PRKACB: variants seen among roughly 807,000 people sequenced by gnomAD.
PRKACB encodes protein kinase cAMP-activated catalytic subunit beta.
Under a neutral mutation model 51.4 loss-of-function variants are expected in PRKACB, and 16 were observed. The ratio of observed to expected loss-of-function variants is 0.31; its 90% confidence interval spans 0.21 to 0.47. PRKACB has a LOEUF of 0.47. Ranked by LOEUF, PRKACB falls within the 20% of genes least tolerant of loss-of-function variation. The pLI, the probability that PRKACB is intolerant of heterozygous loss-of-function variation, is 1.00. For synonymous variants in PRKACB, 147 were observed against 154.4 expected, an observed-to-expected ratio of 0.95 and a Z score of 0.35; for missense variants, 309 against 464.5, an observed-to-expected ratio of 0.67 and a Z score of 3.08.
intron 7 of PRKACB, among the ~76,000 whole-genome samples, chr1:84,201,319 T>A (rs886978704): frequency 6.6e-6 from 1 of 152,114 alleles, no homozygotes; most frequent in Non-Finnish European, 1.5e-5. Flanking sequence ...TAATAGCCAT[T>A]TGGTATTTCT....
intron 1 of PRKACB, chr1:84,165,141 T>G: frequency 1.4e-6 from 1 of 736,718 alleles, no homozygotes. Context: ...GTGACGCTTT[T>G]GTACTTAGGC....
intron 1 of PRKACB, among the ~76,000 whole-genome samples, chr1:84,105,049 CG>C (rs1224387047): frequency 6.6e-6 from 1 of 152,070 alleles, no homozygotes; most frequent in Non-Finnish European, 1.5e-5. Context: ...CAAAAAAAAT[CG>C]TTTTCTTAAA....
intron 7 of PRKACB, among the ~76,000 whole-genome samples, chr1:84,202,433 A>G (rs1464201740): frequency 2.0e-5 from 3 of 152,080 alleles, no homozygotes; most frequent in Non-Finnish European, 4.4e-5. Context: ...AATATTCTTA[A>G]TAATTTTAGG....
chr1:84,210,443 T>A (rs1282704834), intron 8 of PRKACB, among the ~76,000 whole-genome samples: 1 of 152,140 alleles, frequency 6.6e-6, no homozygotes, highest in Admixed American at 6.6e-5. Context: ...TACTTTCACA[T>A]TATTTGCCTA....
chr1:84,145,439 G>A lies in PRKACB; in HGVS notation c.187+891G>A, dbSNP rs1398164205. ...TTTGACTCTTTCTGTTTATGTATTT[G>A]GTAGCAGTTAAGGAAGAAAACTCAG... On this transcript the variant is annotated intron_variant, in intron 1 of 9. Transcript: ENST00000370685. Among the ~76,000 whole-genome samples the A allele has an allele frequency of 2.0e-5, 3 of 151,932 alleles. No individual in the cohort carries two copies. The South Asian group carries it at 6.2e-4, about 32-fold the overall frequency.
chr1:84,163,078 G>A (rs1307013403), intron 1 of PRKACB, among the ~76,000 whole-genome samples: 1 of 151,924 alleles, frequency 6.6e-6, no homozygotes, highest in African/African-American at 2.4e-5. Flanking sequence ...GGATTGCCCT[G>A]TGTCTCTGTA....
intron 1 of PRKACB, chr1:84,164,229 T>G: frequency 7.0e-7 from 1 of 1,425,332 alleles, no homozygotes; most frequent in Non-Finnish European, 9.2e-7. Context: ...GCAGTATAGC[T>G]TTCTGGCTCA....
intron 9 of PRKACB, among the ~76,000 whole-genome samples, chr1:84,215,697 T>C (rs1672781628): frequency 6.6e-6 from 1 of 152,214 alleles, no homozygotes; most frequent in Non-Finnish European, 1.5e-5. Context: ...GTATGACAGT[T>C]GTGGTAACAG....
At chr1:84,120,745 G>A (rs1202068166) in intron 1 of PRKACB, among the ~76,000 whole-genome samples, 6 of 151,930 alleles carry the variant, frequency 3.9e-5, no homozygotes, top group Non-Finnish European at 7.4e-5. Flanking sequence ...TTTAATTGCT[G>A]TACATTTTTC....
chr1:84,179,415 T>C (rs1451639415), intron 2 of PRKACB, among the ~76,000 whole-genome samples, 177 bp downstream of exon 2: 2 of 151,944 alleles, frequency 1.3e-5, no homozygotes, highest in African/African-American at 4.8e-5. Flanking sequence ...ATAATCTTAA[T>C]GTATGCCTAA....
chr1:84,084,060 G>C (rs557300093), intron 1 of PRKACB, among the ~76,000 whole-genome samples: 1 of 152,302 alleles, frequency 6.6e-6, no homozygotes, highest in South Asian at 2.1e-4. Context: ...TTAAAGTTCA[G>C]CTGGGGAACC....
At chr1:84,149,470 A>G (rs1308956011) in intron 1 of PRKACB, among the ~76,000 whole-genome samples, 1 of 152,146 alleles carries the variant, frequency 6.6e-6, no homozygotes, top group Non-Finnish European at 1.5e-5. Flanking sequence ...CATGTTGCCC[A>G]GGTCGATCTT....
intron 8 of PRKACB, among the ~76,000 whole-genome samples, chr1:84,213,950 G>T (rs1672504378): frequency 6.6e-6 from 1 of 152,130 alleles, no homozygotes; most frequent in African/African-American, 2.4e-5. Context: ...AAGAGAACAG[G>T]TTTAGTTCAT....
intron 1 of PRKACB, among the ~76,000 whole-genome samples, chr1:84,133,512 T>A (rs938611693): frequency 2.0e-5 from 3 of 152,196 alleles, no homozygotes; most frequent in Non-Finnish European, 4.4e-5. Flanking sequence ...TGGGTGATAA[T>A]GAAACAGGAA....
At chr1:84,100,110 T>TA (rs750065253) in intron 1 of PRKACB, among the ~76,000 whole-genome samples, 1 of 152,192 alleles carries the variant, frequency 6.6e-6, no homozygotes, top group Non-Finnish European at 1.5e-5. Context: ...TCAGGAAACT[T>TA]ACATTCATGG....
intron 9 of PRKACB, among the ~76,000 whole-genome samples, chr1:84,228,231 A>T (rs941039129): frequency 6.6e-6 from 1 of 152,226 alleles, no homozygotes; most frequent in African/African-American, 2.4e-5. Flanking sequence ...AATAAATTGT[A>T]AGTAAATAAC....
At position 84,217,459 on chromosome 1, in the gene PRKACB, T is replaced by C. The variant is rs79973090; in HGVS notation, c.1071+3142T>C. On this transcript the variant is annotated intron_variant, in intron 9 of 9. Coordinates refer to ENST00000370685, the MANE Select transcript of PRKACB (RefSeq NM_182948.4). The stretch of plus-strand genomic sequence containing the variant: ...CTCTTATCTCACAGTTGCTACATAC[T>C]ACATAATTACATCTGAGTGACTTAC... 3.5e-4 allele frequency among the ~76,000 whole-genome samples: 54 copies of C among 152,208 alleles called. 1 individual carries two copies. In the East Asian group the frequency reaches 9.1e-3, roughly 26 times the overall value.
At chr1:84,089,479 T>C (rs1463120831) in intron 1 of PRKACB, among the ~76,000 whole-genome samples, 2 of 152,188 alleles carry the variant, frequency 1.3e-5, no homozygotes, top group African/African-American at 4.8e-5. Context: ...AATTTGTTAT[T>C]CAAGGCATGT....
chr1:84,175,641 G>A (rs1660967538), intron 1 of PRKACB, among the ~76,000 whole-genome samples: 1 of 151,586 alleles, frequency 6.6e-6, no homozygotes, highest in Non-Finnish European at 1.5e-5. Context: ...TTTAAACTAT[G>A]TTCTATGTAT....
Sources: gnomAD v4.1 joint callset for allele counts (sites outside exome capture counted in the v4.1 genomes callset) on GRCh38, gnomAD v4.1.1 for gene constraint, MANE v1.5 for transcripts, NCBI Gene and HGNC (gene_info 2026-07-23, HGNC 2026-07-21) for gene names.